Variants in WHRN observed in about 807,000 individuals in gnomAD.
The protein encoded by WHRN is CASK-interacting protein CIP98.
In WHRN, 41 loss-of-function variants were observed where a neutral mutation model predicts 68.3. The ratio of observed to expected loss-of-function variants is 0.60; its 90% CI spans 0.47 to 0.78. The LOEUF is 0.78. WHRN is among the 30% of genes least tolerant of loss of function. WHRN has a pLI of 0.00. For missense variants in WHRN, 1,243 were observed against 1,244.7 expected (o/e 1.00, Z 0.02); for synonymous variants, 560 against 561.3 (o/e 1.00, Z 0.03).
chr9:114,423,641 G>A, intron 6 of WHRN, 118 bp from the exon 7 acceptor site: 2 of 986,012 alleles, frequency 2.0e-6, no homozygotes, highest in Non-Finnish European at 3.0e-6. Flanking sequence ...CTCCTTAACT[G>A]TCTGGCTCCC....
At chr9:114,476,538 G>A (rs1188160359) in intron 2 of WHRN, among the ~76,000 whole-genome samples, 1 of 151,950 alleles carries the variant, frequency 6.6e-6, no homozygotes, top group Non-Finnish European at 1.5e-5. Flanking sequence ...CTTTCTACCC[G>A]GCTCCTGATT....
chr9:114,437,823 G>A (rs779368324), intron 3 of WHRN, among the ~76,000 whole-genome samples: 5 of 152,194 alleles, frequency 3.3e-5, no homozygotes, highest in African/African-American at 4.8e-5. Context: ...AGCTGACTAA[G>A]ACACATGGAG....
At chr9:114,420,137 G>A in intron 7 of WHRN, among the ~76,000 whole-genome samples, 1 of 152,166 alleles carries the variant, frequency 6.6e-6, no homozygotes, top group East Asian at 1.9e-4. Flanking sequence ...GGGAATGGGT[G>A]GGTGCAGCAA....
intron 1 of WHRN, among the ~76,000 whole-genome samples, chr9:114,484,330 C>A (rs1842321360): frequency 6.6e-6 from 1 of 152,222 alleles, no homozygotes; most frequent in African/African-American, 2.4e-5. Context: ...CCCTCTCTAG[C>A]CATGACAGCT....
In WHRN at chr9:114,407,992, G is replaced by A. The variant is rs149352129; in HGVS notation, c.1653C>T (p.Gly551=). 21 of 1,604,166 alleles carry A rather than the reference G, an allele frequency of 1.3e-5. No homozygotes were observed. The highest frequency in any genetic ancestry group is 1.6e-5 in the Non-Finnish European group (19 of 1,174,772). Residue 551 remains glycine, a synonymous_variant, in exon 8 of 12, where the codon GGC becomes GGT. Transcript: ENST00000362057. ...ARNTLDLEET[G]EAVQGNINAL... The stretch of plus-strand genomic sequence containing the variant: ...CGTTGATATTGCCCTGGACAGCCTC[G>A]CCAGTTTCCTCCAGGTCCAGAGTGT...
At chr9:114,500,895 G>C (rs1843864706) in intron 1 of WHRN, among the ~76,000 whole-genome samples, 1 of 152,228 alleles carries the variant, frequency 6.6e-6, no homozygotes, top group African/African-American at 2.4e-5. Context: ...TGCTACACAA[G>C]AGTGCCAAGA....
intron 2 of WHRN, among the ~76,000 whole-genome samples, chr9:114,467,947 C>T (rs1161258342): frequency 6.6e-6 from 1 of 152,190 alleles, no homozygotes; most frequent in African/African-American, 2.4e-5. Flanking sequence ...AGCCATCCAA[C>T]CAGATTTCTA....
rs201463786 is a variant in WHRN at position 114,424,513 on chromosome 9, C to T, written c.1237G>A (p.Val413Met). 6.2e-7 allele frequency: 1 copy of T among 1,613,858 alleles called. No homozygotes were observed. Among genetic ancestry groups the T allele is most frequent in the East Asian group, 2.2e-5 (1 of 44,854 alleles). Reference protein sequence around the residue: ...GFYKGPAGSQVTLSSLGNQTR... With the variant: ...GFYKGPAGSQMTLSSLGNQTR... The stretch of plus-strand genomic sequence containing the variant: ...TGGTTCCCCAGGCTGCTCAGGGTCA[C>T]CTGGGAGCCGGCTGGGCCCTTGTAA... Residue 413 changes from valine to methionine, a missense_variant, in exon 6 of 12, where the codon GTG (valine) becomes ATG (methionine). Val to Met is a conservative substitution (Grantham distance 21, BLOSUM62 1). Transcript: ENST00000362057.
At chr9:114,463,273 TGG>T (rs1840392790) in intron 3 of WHRN, among the ~76,000 whole-genome samples, 1 of 152,240 alleles carries the variant, frequency 6.6e-6, no homozygotes, top group Non-Finnish European at 1.5e-5. Flanking sequence ...TGCCTGTAGC[TGG>T]GTCTGAACCC....
intron 7 of WHRN, 146 bp downstream of exon 7, chr9:114,423,168 G>A (rs1419570767): frequency 1.1e-5 from 9 of 851,082 alleles, no homozygotes; most frequent in Non-Finnish European, 1.7e-5. Context: ...GGTTTTTACA[G>A]AGGAAGAAAC....
At chr9:114,420,634 G>A (rs1268149431) in intron 7 of WHRN, among the ~76,000 whole-genome samples, 1 of 152,156 alleles carries the variant, frequency 6.6e-6, no homozygotes, top group Non-Finnish European at 1.5e-5. Flanking sequence ...GTGGGATGAA[G>A]GTCAGGGGGG....
chr9:114,480,486 A>AGAGG (rs386415968), intron 1 of WHRN, among the ~76,000 whole-genome samples: 1 of 151,488 alleles, frequency 6.6e-6, no homozygotes, highest in Non-Finnish European at 1.5e-5. Context: ...GTAGGAAGAG[A>AGAGG]GAGTTCTGGT....
chr9:114,473,946 A>C (rs1365115513), intron 2 of WHRN, among the ~76,000 whole-genome samples: 4 of 152,030 alleles, frequency 2.6e-5, no homozygotes, highest in Non-Finnish European at 5.9e-5. Flanking sequence ...GAGGGTCTGG[A>C]AACATCATGC....
chr9:114,430,332 A>G (rs1376464600), intron 3 of WHRN, among the ~76,000 whole-genome samples: 5 of 152,332 alleles, frequency 3.3e-5, no homozygotes, highest in Admixed American at 2.0e-4. Context: ...AAAAATATAC[A>G]TATGTCCCAA....
intron 1 of WHRN, among the ~76,000 whole-genome samples, chr9:114,485,312 G>A (rs1292732289): frequency 3.9e-5 from 6 of 152,220 alleles, no homozygotes; most frequent in Non-Finnish European, 8.8e-5. Context: ...CAGACACACC[G>A]GACAATGGTG....
rs1482412836 is a variant in WHRN, at chr9:114,461,653, G to A, written c.963+4614C>T. Among the ~76,000 whole-genome samples the A allele has an allele frequency of 2.0e-5, 3 of 152,316 alleles. No homozygotes were observed. In the East Asian group the frequency reaches 5.8e-4, roughly 29 times the overall value. On this transcript the variant is annotated intron_variant, in intron 3 of 11. Coordinates refer to ENST00000362057, the MANE Select transcript of WHRN (RefSeq NM_015404.4). ...TTTCCACTTCAGGGACTTGGCATTT[G>A]CTGTTCTTTCTGCCTGGAATTCTCA... is the stretch of plus-strand genomic sequence containing the variant.
chr9:114,495,151 T>G (rs939632483), intron 1 of WHRN, among the ~76,000 whole-genome samples: 1 of 152,184 alleles, frequency 6.6e-6, no homozygotes, highest in Non-Finnish European at 1.5e-5. Flanking sequence ...CTGGTAAAGA[T>G]CAGAGCATGG....
intron 7 of WHRN, among the ~76,000 whole-genome samples, chr9:114,417,659 A>T (rs1323986081): frequency 1.3e-5 from 2 of 152,242 alleles, no homozygotes; most frequent in Non-Finnish European, 2.9e-5. Flanking sequence ...TGTTGTCCAC[A>T]TTTTAGGGTT....
chr9:114,438,746 T>C (rs779425058), intron 3 of WHRN, among the ~76,000 whole-genome samples: 3 of 151,982 alleles, frequency 2.0e-5, no homozygotes, highest in Non-Finnish European at 4.4e-5. Flanking sequence ...CCACCGCGCC[T>C]GGCTAACGGA....
Sources: allele counts gnomAD v4.1 joint callset (sites outside exome capture counted in the v4.1 genomes callset), GRCh38; gene constraint gnomAD v4.1.1; transcripts MANE v1.5; gene names NCBI Gene and HGNC (gene_info 2026-07-23, HGNC 2026-07-21).